The following CC2D2B variants were observed in gnomAD, a reference collection of about 807,000 sequenced individuals.
CC2D2B encodes protein CC2D2B.
In CC2D2B, 128 loss-of-function variants were observed where a neutral mutation model predicts 161.2. That is an observed-to-expected ratio of 0.79 (90% CI 0.69 to 0.92). The LOEUF is 0.92. Ranked by LOEUF, CC2D2B falls within the 40% of genes least tolerant of loss-of-function variation. The pLI is 0.00. For synonymous variants in CC2D2B, 391 were observed against 449.8 expected, an observed-to-expected ratio of 0.87 and a Z score of 1.65; for missense variants, 1,173 against 1,375.1, an observed-to-expected ratio of 0.85 and a Z score of 2.32.
chr10:96,024,716 A>G (rs1280748100), intron 32 of CC2D2B, 137 bp from the exon 33 acceptor site: 5 of 513,484 alleles, frequency 9.7e-6, no homozygotes, highest in South Asian at 9.5e-5. Flanking sequence ...TGTGGTCTGC[A>G]TGTTACCTAT....
At chr10:96,002,386 T>A (rs905876666) in intron 24 of CC2D2B, among the ~76,000 whole-genome samples, 2 of 152,112 alleles carry the variant, frequency 1.3e-5, no homozygotes, top group Non-Finnish European at 1.5e-5. Flanking sequence ...TTATAAGTAA[T>A]AAATAATATT....
chr10:96,016,212 T>G lies in CC2D2B; in HGVS notation c.3528T>G (p.Ser1176Arg), dbSNP rs1451635047. 6 of 1,610,634 alleles carry G rather than the reference T, an allele frequency of 3.7e-6. No homozygotes were observed. The African/African-American group carries it at 6.7e-5, about 18-fold the overall frequency. Residue 1176 changes from serine (S) to arginine (R), a missense_variant, in exon 30 of 35, where the codon AGT becomes AGG. Transcript: ENST00000646931. ...DIWMTSEHCI[S>R]LAIGNKEEHA... The stretch of plus-strand genomic sequence containing the variant: ...TTGTTTTGTCTTAGCACTGCATCAG[T>G]TTAGCTATCGGAAATAAGGAGGAGC...
At chr10:95,970,751 GA>G (rs1165797271) in intron 15 of CC2D2B, among the ~76,000 whole-genome samples, 11 of 152,170 alleles carry the variant, frequency 7.2e-5, no homozygotes, top group Non-Finnish European at 1.0e-4. Context: ...CATGTTCTCT[GA>G]AAGTTAACCC....
chr10:95,955,753 T>C (rs1280789409), intron 11 of CC2D2B, among the ~76,000 whole-genome samples: 1 of 152,194 alleles, frequency 6.6e-6, no homozygotes, highest in East Asian at 1.9e-4. Context: ...TACTTTGAAA[T>C]TGACTTGGAT....
intron 25 of CC2D2B, among the ~76,000 whole-genome samples, chr10:96,007,376 A>T (rs2141827916): frequency 6.6e-6 from 1 of 152,250 alleles, no homozygotes; most frequent in African/African-American, 2.4e-5. Context: ...TAGAGCTATA[A>T]TCAATAGCCT....
chr10:95,976,592 G>A (rs192560960), intron 17 of CC2D2B, among the ~76,000 whole-genome samples: 51 of 152,322 alleles, frequency 3.3e-4, no homozygotes, highest in African/African-American at 1.1e-3. Context: ...TGGGATGGGT[G>A]CTCCAGAGGG....
intron 6 of CC2D2B, among the ~76,000 whole-genome samples, chr10:95,928,364 T>C (rs1396688258): frequency 6.6e-6 from 1 of 152,152 alleles, no homozygotes; most frequent in Non-Finnish European, 1.5e-5. Context: ...CTATTATCAT[T>C]TTTTCATACT....
At chr10:96,015,617 TC>T (rs2079164902) in intron 29 of CC2D2B, among the ~76,000 whole-genome samples, 2 of 152,132 alleles carry the variant, frequency 1.3e-5, no homozygotes, top group Non-Finnish European at 2.9e-5. Flanking sequence ...ATACTTTTTC[TC>T]CCCTGCTATA....
intron 25 of CC2D2B, 40 bp from the exon 26 acceptor site, chr10:96,009,785 T>G: frequency 3.5e-6 from 3 of 866,982 alleles, no homozygotes; most frequent in East Asian, 2.9e-5. Flanking sequence ...ATTCATCACA[T>G]GATATTAAGT....
At chr10:95,981,539 G>A (rs1026819671) in intron 17 of CC2D2B, among the ~76,000 whole-genome samples, 36 of 151,152 alleles carry the variant, frequency 2.4e-4, no homozygotes, top group African/African-American at 8.3e-4. Flanking sequence ...TATTTTCTGT[G>A]CTTTCTTAAT....
At chr10:96,010,629 G>C (rs940574797) in intron 26 of CC2D2B, among the ~76,000 whole-genome samples, 10 of 152,126 alleles carry the variant, frequency 6.6e-5, no homozygotes, top group Non-Finnish European at 2.9e-5. Context: ...ACTGTTCCTG[G>C]GTTGCAAGTG....
At position 96,004,153 on chromosome 10, in the gene CC2D2B, T is replaced by A. The variant is rs1170582857; in HGVS notation, c.2851T>A (p.Ser951Thr). Reference protein sequence around the residue: ...WNEEIKVDFVSPGHDYSFSSL... With the variant: ...WNEEIKVDFVTPGHDYSFSSL... Reference sequence around the variant, plus strand: ...TGAATATATTTTTCTTATTTGCAGCTCACCAGGACATGATTATAGCTTCTC... The same window carrying A: ...TGAATATATTTTTCTTATTTGCAGCACACCAGGACATGATTATAGCTTCTC... The change falls in exon 25 of 35, where the codon TCA (serine) becomes ACA (threonine). Residue 951 changes from serine to threonine, a missense_variant and splice_region_variant. Physicochemically the swap from Ser to Thr is moderately conservative, Grantham distance 58. Coordinates refer to ENST00000646931, the MANE Select transcript of CC2D2B (RefSeq NM_001349008.3). 1 of 1,521,442 alleles carries A rather than the reference T, an allele frequency of 6.6e-7. No individual in the cohort carries two copies. The highest frequency in any genetic ancestry group is 8.8e-7 in the Non-Finnish European group (1 of 1,134,028). 94.2% of individuals were successfully genotyped at this position (1,521,442 alleles called of 1,614,324 possible). A position where few individuals can be genotyped will look rare whatever the true frequency, so the allele number is the denominator to read the frequency against.
chr10:96,024,483 T>G (rs1351392873), intron 32 of CC2D2B, among the ~76,000 whole-genome samples: 1 of 152,164 alleles, frequency 6.6e-6, no homozygotes, highest in African/African-American at 2.4e-5. Flanking sequence ...ATCCCTATGT[T>G]AAAAACTCAG....
chr10:95,972,021 G>A (rs2077154866), intron 15 of CC2D2B, 45 bp from the exon 16 acceptor site: 3 of 1,104,688 alleles, frequency 2.7e-6, no homozygotes, highest in African/African-American at 3.2e-5. Context: ...TCCTTTTTCT[G>A]TGTTGTATTT....
chr10:95,917,141 CCTT>C (rs370386869), intron 2 of CC2D2B, among the ~76,000 whole-genome samples: 13 of 152,104 alleles, frequency 8.5e-5, no homozygotes, highest in African/African-American at 3.1e-4. Flanking sequence ...TATATCATGA[CCTT>C]CTTTGTCTGT....
chr10:95,962,901 C>G (rs1345191568), intron 12 of CC2D2B, among the ~76,000 whole-genome samples: 1 of 151,896 alleles, frequency 6.6e-6, no homozygotes, highest in Non-Finnish European at 1.5e-5. Context: ...CCTCACACAC[C>G]CATGCATCAT....
chr10:95,934,437 G>GA (rs551651883), intron 6 of CC2D2B, among the ~76,000 whole-genome samples: 17,803 of 143,506 alleles, frequency 0.12, 1,931 homozygotes, highest in East Asian at 0.63. Context: ...ACTGGGGTAT[G>GA]AAAAAAAAAA....
chr10:96,004,637 C>G (rs1390836771), intron 25 of CC2D2B, among the ~76,000 whole-genome samples: 1 of 152,150 alleles, frequency 6.6e-6, no homozygotes, highest in Non-Finnish European at 1.5e-5. Flanking sequence ...ATTCCTAAGG[C>G]TAAAATTCAG....
intron 12 of CC2D2B, among the ~76,000 whole-genome samples, chr10:95,962,270 A>G (rs543865982): frequency 6.6e-6 from 1 of 152,164 alleles, no homozygotes; most frequent in Non-Finnish European, 1.5e-5. Context: ...AAGATGCTCA[A>G]TATTGTCATG....
Sources: gnomAD v4.1 joint callset for allele counts (sites outside exome capture counted in the v4.1 genomes callset) on GRCh38, gnomAD v4.1.1 for gene constraint, MANE v1.5 for transcripts, NCBI Gene and HGNC (gene_info 2026-07-23, HGNC 2026-07-21) for gene names.